The following ELF1 variants were observed in gnomAD, a reference collection of about 807,000 sequenced individuals.
ELF1 encodes the protein ETS-related transcription factor Elf-1.
Under a neutral mutation model 59.9 loss-of-function variants are expected in ELF1, and 24 were observed. The observed-to-expected ratio is 0.40, with a 90% CI of 0.29 to 0.56. The LOEUF (loss-of-function observed/expected upper bound fraction) is 0.56, where lower values mean the gene tolerates loss of function less well. Among genes scored for constraint, ELF1 ranks in the 20% least tolerant of loss-of-function variants. ELF1 has a pLI of 0.44. For synonymous variants in ELF1, 248 were observed against 266.2 expected, an observed-to-expected ratio of 0.93 and a Z score of 0.67; for missense variants, 627 against 742.2, an observed-to-expected ratio of 0.84 and a Z score of 1.80.
In ELF1 at chr13:41,052,642, G is replaced by A. The variant is rs1877131663; in HGVS notation, c.-229+8196C>T. Among the ~76,000 whole-genome samples, 4 of 152,008 alleles carry A rather than the reference G, an allele frequency of 2.6e-5. No homozygotes were observed. In the South Asian group the frequency reaches 8.3e-4, roughly 32 times the overall value. On this transcript the variant is annotated intron_variant, in intron 1 of 1. Coordinates refer to the ELF1 transcript ENST00000405737. ...AAGGCGGGAAGATCACCTGAACCCA[G>A]CATTTAGAGGTTGCAGTGAGCCATG...
intron 1 of ELF1, among the ~76,000 whole-genome samples, chr13:41,057,311 C>G (rs942683907): frequency 6.6e-6 from 1 of 150,726 alleles, no homozygotes; most frequent in Non-Finnish European, 1.5e-5. Context: ...CATGTGGCAT[C>G]ACACCTGGCT....
At chr13:41,059,473 C>T (rs1215889642) in intron 1 of ELF1, among the ~76,000 whole-genome samples, 1 of 152,208 alleles carries the variant, frequency 6.6e-6, no homozygotes. Context: ...AATCCTTAAT[C>T]ACGCAGATCA....
rs968475468 is a variant in ELF1, at chr13:41,032,192, C to T, written c.-229+28646G>A. Among the ~76,000 whole-genome samples the T allele has an allele frequency of 7.9e-5, 12 of 151,194 alleles. 1 individual carries two copies. The highest frequency in any genetic ancestry group is 2.6e-4 in the Admixed American group (4 of 15,194). On this transcript the variant is annotated intron_variant, in intron 1 of 1. Transcript: ENST00000405737. ...AACCAGGCTGATTTAGAATGCCTCT[C>T]CATTTTTATTTAATATTTATTTATT... is the stretch of plus-strand genomic sequence containing the variant.
chr13:41,005,488 A>C (rs1348995988), intron 1 of ELF1, among the ~76,000 whole-genome samples: 2 of 151,490 alleles, frequency 1.3e-5, no homozygotes, highest in East Asian at 1.9e-4. Context: ...CAAAAAAAAA[A>C]CAACCTTTAA....
chr13:40,940,998 C>G lies in ELF1; in HGVS notation c.1179G>C (p.Gln393His), dbSNP rs757821336. 2.5e-6 allele frequency: 4 copies of G among 1,614,088 alleles called. No homozygotes were observed. The Admixed American group carries it at 5.0e-5, about 20-fold the overall frequency. ...TAGCTGCTTCTCCCTCTGGGACAGC[C>G]TGTACTGGCTGTACTACATGAACAG... Reference protein sequence around the residue: ...FRTVHVVQPVQAVPEGEAART... With the variant: ...FRTVHVVQPVHAVPEGEAART... Residue 393 changes from glutamine (Q) to histidine (H), a missense_variant, in exon 8 of 9, where the codon CAG becomes CAC. Coordinates refer to ENST00000239882, the MANE Select transcript of ELF1 (RefSeq NM_172373.4).
intron 2 of ELF1, among the ~76,000 whole-genome samples, chr13:40,965,102 T>C (rs1233006982): frequency 6.6e-6 from 1 of 152,214 alleles, no homozygotes; most frequent in African/African-American, 2.4e-5. Context: ...CGAAATAACT[T>C]GTATAAACTA....
At chr13:41,056,840 G>A (rs1020945086) in intron 1 of ELF1, among the ~76,000 whole-genome samples, 1 of 152,182 alleles carries the variant, frequency 6.6e-6, no homozygotes, top group Non-Finnish European at 1.5e-5. Flanking sequence ...GATCTGAGAA[G>A]GTAATGTTGA....
intron 1 of ELF1, among the ~76,000 whole-genome samples, chr13:41,031,635 T>A (rs1876164359): frequency 6.6e-6 from 1 of 151,392 alleles, no homozygotes; most frequent in Non-Finnish European, 1.5e-5. Context: ...CTGGCCAAGA[T>A]GGTGAAACCC....
chr13:40,956,132 G>C (rs1007609248), intron 3 of ELF1, among the ~76,000 whole-genome samples: 23 of 150,078 alleles, frequency 1.5e-4, no homozygotes, highest in African/African-American at 4.4e-4. Flanking sequence ...GAATAGAAAG[G>C]GGGGAAAGGT....
exon 1 of ELF1, chr13:41,060,854 C>G (rs557287880): frequency 4.7e-5 from 15 of 316,808 alleles, no homozygotes; most frequent in Non-Finnish European, 8.1e-5. Flanking sequence ...AGCATAAGTG[C>G]CTCTGCCTCC....
chr13:40,970,197 G>C (rs79733755), intron 2 of ELF1, among the ~76,000 whole-genome samples: 1 of 152,036 alleles, frequency 6.6e-6, no homozygotes, highest in East Asian at 1.9e-4. Flanking sequence ...GGAAATTAAC[G>C]AACAGCTAAA....
At chr13:40,989,907 G>C (rs1593382124) in intron 1 of ELF1, among the ~76,000 whole-genome samples, 1 of 152,152 alleles carries the variant, frequency 6.6e-6, no homozygotes, top group Non-Finnish European at 1.5e-5. Flanking sequence ...AATTTATTGA[G>C]TATCCACTGT....
chr13:40,993,157 T>G, intron 1 of ELF1: 1 of 1,522,858 alleles, frequency 6.6e-7, no homozygotes, highest in Non-Finnish European at 9.1e-7. Context: ...CTCTCCATTT[T>G]TGTAGTGTGT....
chr13:41,032,660 G>T (rs544627283), intron 1 of ELF1, among the ~76,000 whole-genome samples: 23 of 152,092 alleles, frequency 1.5e-4, no homozygotes, highest in African/African-American at 5.5e-4. Flanking sequence ...GACCAGCCTG[G>T]GCAACACAGT....
At position 40,933,772 on chromosome 13, in the gene ELF1, G is replaced by A; in HGVS notation, c.1513C>T (p.Gln505Ter). ...PSIVLGPAQV[Q>*]QVLTSNVQTI... is the part of the protein sequence containing the mutation. ...TGAACATTGCTAGTAAGGACCTGCT[G>A]AACCTGGGCAGGGCCCAAGACAATT... The change falls in exon 9 of 9, where the codon CAG becomes TAG. Residue 505 changes from glutamine (Q) to a stop codon, truncating the protein, a stop_gained. Transcript: ENST00000239882. LOFTEE classifies it high-confidence loss of function. 1 of 1,614,268 alleles carries A rather than the reference G, an allele frequency of 6.2e-7. No individual in the cohort carries two copies. Among genetic ancestry groups the A allele is most frequent in the Non-Finnish European group, 8.5e-7 (1 of 1,180,046 alleles).
At chr13:40,945,715 C>A (rs1355585411) in intron 5 of ELF1, among the ~76,000 whole-genome samples, 1 of 152,182 alleles carries the variant, frequency 6.6e-6, no homozygotes, top group Non-Finnish European at 1.5e-5. Context: ...TAGACCTTTT[C>A]ATTTAATTCT....
chr13:40,934,138 C>G, intron 8 of ELF1, 110 bp from the exon 9 acceptor site: 1 of 1,388,730 alleles, frequency 7.2e-7, no homozygotes, highest in Non-Finnish European at 9.6e-7. Flanking sequence ...TTTCAAAATG[C>G]TGCTTCCCAT....
At chr13:40,948,036 T>C (rs1433456957) in intron 5 of ELF1, among the ~76,000 whole-genome samples, 2 of 152,046 alleles carry the variant, frequency 1.3e-5, no homozygotes, top group Non-Finnish European at 2.9e-5. Flanking sequence ...AAAAAAGGTA[T>C]GAAACAATGG....
chr13:41,019,224 T>C lies in ELF1; in HGVS notation c.-229+4A>G, dbSNP rs368820444. 30 of 985,416 alleles carry C rather than the reference T, an allele frequency of 3.0e-5. No individual in the cohort carries two copies. The East Asian group carries it at 3.1e-3, about 101-fold the overall frequency. The allele number at this position is 985,416 out of a possible 1,614,324, so 61.0% of individuals were successfully genotyped here. A position where few individuals can be genotyped will look rare whatever the true frequency, so the allele number is the denominator to read the frequency against. ...AGCAAACATACAAAATTGTAACAAG[T>C]TACCTTCAAGTATTCTTTCTCTATC... is the stretch of plus-strand genomic sequence containing the variant. On this transcript the variant is annotated splice_donor_region_variant and intron_variant, in intron 1 of 8. Coordinates refer to ENST00000239882, the MANE Select transcript of ELF1 (RefSeq NM_172373.4).
Sources: allele counts gnomAD v4.1 joint callset (sites outside exome capture counted in the v4.1 genomes callset), GRCh38; gene constraint gnomAD v4.1.1; transcripts MANE v1.5; gene names NCBI Gene and HGNC (gene_info 2026-07-23, HGNC 2026-07-21).